Variants in ZFHX4 observed in about 807,000 individuals in gnomAD.
The protein encoded by ZFHX4 is zinc finger homeobox 4.
ZFHX4 carries 56 observed loss-of-function variants against 267.6 expected under a neutral mutation model. The ratio of observed to expected loss-of-function variants is 0.21; its 90% CI spans 0.17 to 0.26. ZFHX4 has a LOEUF of 0.26. Ranked by LOEUF, ZFHX4 falls within the 10% of genes least tolerant of loss-of-function variation. The probability of loss-of-function intolerance (pLI) is 1.00; values close to 1 mark genes in which losing one functional copy is unlikely to be tolerated. For missense variants in ZFHX4, 4,332 were observed against 4,420.0 expected, an observed-to-expected ratio of 0.98 and a Z score of 0.56; for synonymous variants, 1,778 against 1,665.6, an observed-to-expected ratio of 1.07 and a Z score of -1.64.
At chr8:76,756,827 A>T (rs570831346) in intron 3 of ZFHX4, among the ~76,000 whole-genome samples, 67 of 151,832 alleles carry the variant, frequency 4.4e-4, no homozygotes, top group African/African-American at 1.5e-3. Context: ...TCTCTTTTTC[A>T]TCCCATGATG....
At chr8:76,699,657 T>C (rs1015262784) in intron 1 of ZFHX4, among the ~76,000 whole-genome samples, 1 of 151,488 alleles carries the variant, frequency 6.6e-6, no homozygotes, top group African/African-American at 2.4e-5. Context: ...TTTATAATTA[T>C]GAATTCCAAC....
chr8:76,760,610 C>T (rs1038917217), intron 3 of ZFHX4, among the ~76,000 whole-genome samples: 4 of 152,014 alleles, frequency 2.6e-5, no homozygotes, highest in Non-Finnish European at 4.4e-5. Context: ...GCTTTTCTGA[C>T]TCACAAGAAG....
intron 3 of ZFHX4, among the ~76,000 whole-genome samples, chr8:76,720,521 G>A (rs1385203310): frequency 1.3e-5 from 2 of 152,068 alleles, no homozygotes; most frequent in Non-Finnish European, 1.5e-5. Flanking sequence ...TTCTCTTAGG[G>A]TATATACATA....
intron 1 of ZFHX4, among the ~76,000 whole-genome samples, chr8:76,701,718 C>CAAATA (rs1231560964): frequency 1.2e-4 from 18 of 152,072 alleles, no homozygotes; most frequent in Non-Finnish European, 2.5e-4. Flanking sequence ...GAACTAAATT[C>CAAATA]AAATAGCATA....
intron 4 of ZFHX4, among the ~76,000 whole-genome samples, chr8:76,830,600 G>T (rs1480247223): frequency 6.6e-6 from 1 of 152,002 alleles, no homozygotes; most frequent in African/African-American, 2.4e-5. Context: ...TATATTATTT[G>T]TATGAAGAGA....
At position 76,700,238 on chromosome 8, in the gene ZFHX4, G is replaced by A. The variant is rs530903010; in HGVS notation, c.-46-3805G>A. 2.6e-5 allele frequency among the ~76,000 whole-genome samples: 4 copies of A among 152,164 alleles called. No homozygotes were observed. In the South Asian group the frequency reaches 6.2e-4, roughly 24 times the overall value. ...CTCAAAGTGTTATGAGATGGCTAAA[G>A]GGCAGATGAGAATAAAAACAATAGG... On this transcript the variant is annotated intron_variant, in intron 1 of 10. Coordinates refer to ENST00000651372, the MANE Select transcript of ZFHX4 (RefSeq NM_024721.5).
chr8:76,792,230 T>C (rs886199496), intron 4 of ZFHX4, among the ~76,000 whole-genome samples: 7 of 152,144 alleles, frequency 4.6e-5, no homozygotes, highest in Non-Finnish European at 1.0e-4. Flanking sequence ...TTCAAGTTCA[T>C]GACATGCAGG....
rs776908219 is a variant in ZFHX4 at position 76,704,790 on chromosome 8, C to G, written c.702C>G (p.His234Gln). ...LHSFRVYDLR[H>Q]KREKDYLTSD... ...GTTTCCGTGTCTATGATCTCCGACA[C>G]AAGAGAGAGAAAGACTATCTAACCA... Residue 234 changes from histidine (H) to glutamine (Q), a missense_variant, in exon 2 of 11, where the codon CAC becomes CAG. His to Gln is a conservative substitution (Grantham distance 24, BLOSUM62 0). This residue lies in a region of ZFHX4 where 1,195 missense variants were observed against 1,173.6 expected (regional missense o/e 1.02). Transcript: ENST00000651372. 1 of 1,613,984 alleles carries G rather than the reference C, an allele frequency of 6.2e-7. No homozygotes were observed. The highest frequency in any genetic ancestry group is 1.3e-5 in the African/African-American group (1 of 75,030).
chr8:76,858,569 A>G (rs1020314446), intron 10 of ZFHX4, among the ~76,000 whole-genome samples: 3 of 152,146 alleles, frequency 2.0e-5, no homozygotes, highest in Non-Finnish European at 4.4e-5. Context: ...GCCCCACCTG[A>G]GCGCCTGAGT....
chr8:76,728,849 A>C (rs1277963679), intron 3 of ZFHX4, among the ~76,000 whole-genome samples: 9 of 152,196 alleles, frequency 5.9e-5, no homozygotes, highest in Non-Finnish European at 1.3e-4. Context: ...AGTTCTATTA[A>C]TTATTGAAAT....
Position 76,706,616 on chromosome 8 carries a change from A to C in ZFHX4, c.2528A>C (p.Gln843Pro). 2 of 1,608,032 alleles carry C rather than the reference A, an allele frequency of 1.2e-6. No homozygotes were observed. Among genetic ancestry groups the C allele is most frequent in the Non-Finnish European group, 1.7e-6 (2 of 1,177,412 alleles). Residue 843 changes from glutamine to proline, a missense_variant, in exon 2 of 11, where the codon CAG becomes CCG. Around this residue, in one of 7 missense-constraint regions of ZFHX4, gnomAD observed 1,195 missense variants for 1,173.6 expected, o/e 1.02. Transcript: ENST00000651372. Reference protein sequence around the residue: ...GMKLENPADPQLMINPFQLDP... With the variant: ...GMKLENPADPPLMINPFQLDP... ...AAGCTGGAAAACCCTGCCGACCCTC[A>C]GCTGATGATCAATCCATTCCAGCTG...
At chr8:76,740,968 ATATAT>A (rs1263429439) in intron 3 of ZFHX4, among the ~76,000 whole-genome samples, 1 of 152,170 alleles carries the variant, frequency 6.6e-6, no homozygotes, top group Non-Finnish European at 1.5e-5. Context: ...GAATTTATAG[ATATAT>A]TAATTAAAGG....
At chr8:76,767,791 C>T (rs900454768) in intron 3 of ZFHX4, among the ~76,000 whole-genome samples, 2 of 152,228 alleles carry the variant, frequency 1.3e-5, no homozygotes, top group African/African-American at 4.8e-5. Flanking sequence ...TAAAGGAGAA[C>T]TGCTTTTCTA....
chr8:76,775,076 A>T (rs1028183009), intron 3 of ZFHX4, among the ~76,000 whole-genome samples: 3 of 152,212 alleles, frequency 2.0e-5, no homozygotes, highest in Non-Finnish European at 4.4e-5. Flanking sequence ...ATAAAAGGCA[A>T]GGTCACAGGC....
At chr8:76,717,427 G>A (rs573558028) in intron 3 of ZFHX4, among the ~76,000 whole-genome samples, 2 of 152,160 alleles carry the variant, frequency 1.3e-5, no homozygotes, top group African/African-American at 2.4e-5. Context: ...TACCTGATCC[G>A]GCAGAAAATT....
At chr8:76,742,010 A>T (rs1267496799) in intron 3 of ZFHX4, among the ~76,000 whole-genome samples, 1 of 152,202 alleles carries the variant, frequency 6.6e-6, no homozygotes, top group South Asian at 2.1e-4. Context: ...CTCCAGTTGT[A>T]TTGTTATGTG....
intron 4 of ZFHX4, among the ~76,000 whole-genome samples, chr8:76,784,849 T>C (rs1392814484): frequency 6.6e-6 from 1 of 152,088 alleles, no homozygotes; most frequent in African/African-American, 2.4e-5. Context: ...CCCAGACTAT[T>C]GGCATCTTAA....
At chr8:76,692,557 T>A (rs1343981825) in intron 1 of ZFHX4, among the ~76,000 whole-genome samples, 1 of 152,092 alleles carries the variant, frequency 6.6e-6, no homozygotes, top group East Asian at 1.9e-4. Context: ...GTTTATCTCT[T>A]AGGGAATCAC....
At chr8:76,756,238 G>A (rs918501447) in intron 3 of ZFHX4, among the ~76,000 whole-genome samples, 6 of 152,088 alleles carry the variant, frequency 3.9e-5, no homozygotes, top group Admixed American at 3.3e-4. Context: ...GAAATTAATT[G>A]TTTTGTCCTT....
Sources: allele counts gnomAD v4.1 joint callset (sites outside exome capture counted in the v4.1 genomes callset), GRCh38; gene constraint gnomAD v4.1.1; regional missense constraint gnomAD v4.1.1; transcripts MANE v1.5; gene names NCBI Gene and HGNC (gene_info 2026-07-23, HGNC 2026-07-21).